Variants in ZFYVE16 observed in about 807,000 individuals in gnomAD.
The protein encoded by ZFYVE16 is zinc finger FYVE-type containing 16, also known as zinc finger FYVE domain-containing protein 16.
ZFYVE16 carries 89 observed loss-of-function variants against 138.1 expected under a neutral mutation model. The ratio of observed to expected loss-of-function variants is 0.64; its 90% CI spans 0.54 to 0.77. ZFYVE16 has a LOEUF of 0.77. Among genes scored for constraint, ZFYVE16 ranks in the 30% least tolerant of loss-of-function variants. The probability of loss-of-function intolerance (pLI) is 0.00; values close to 1 mark genes in which losing one functional copy is unlikely to be tolerated. For missense variants in ZFYVE16, 1,793 were observed against 1,786.7 expected (o/e 1.00, Z -0.06); for synonymous variants, 596 against 618.3 (o/e 0.96, Z 0.53).
rs200838512 is a variant in ZFYVE16, at chr5:80,456,739, CT to C, written c.3795+182del. 2.5e-3 allele frequency among the ~76,000 whole-genome samples: 387 copies of C among 151,878 alleles called. 1 individual carries two copies. Among genetic ancestry groups the C allele is most frequent in the Middle Eastern group, 0.01 (3 of 292 alleles). Reference sequence around the variant, plus strand: ...GTAAATAATCTGTTTGATCATATTTCTTTTTTTTCGTACTGTTTTATTGAGG... The same window carrying C: ...GTAAATAATCTGTTTGATCATATTTCTTTTTTTCGTACTGTTTTATTGAGG... On this transcript the variant is annotated intron_variant, in intron 13 of 18. Transcript: ENST00000505560.
rs376893309 is a variant in ZFYVE16 at position 80,449,571 on chromosome 5, A to G, written c.3104-20A>G. ...TAACAGGATATTTATCCTGATTAAT[A>G]TATTACTTTCATCATTTAGTGCCTG... On this transcript the variant is annotated intron_variant, in intron 8 of 18. Coordinates refer to ENST00000505560, the MANE Select transcript of ZFYVE16 (RefSeq NM_001284236.3). 6.3e-7 allele frequency: 1 copy of G among 1,599,634 alleles called. No homozygotes were observed. Among genetic ancestry groups the G allele is most frequent in the Non-Finnish European group, 8.5e-7 (1 of 1,175,388 alleles).
At chr5:80,465,457 A>C (rs1163363915) in intron 15 of ZFYVE16, among the ~76,000 whole-genome samples, 2 of 99,364 alleles carry the variant, frequency 2.0e-5, no homozygotes, top group Non-Finnish European at 3.8e-5. Context: ...CCCTGGCTGG[A>C]GTGCAGTGGC....
In ZFYVE16 at chr5:80,409,486, T is replaced by C. The variant is rs535354951; in HGVS notation, c.-94+1333T>C. Among the ~76,000 whole-genome samples the C allele has an allele frequency of 8.5e-4, 129 of 152,322 alleles. 1 individual carries two copies. Among genetic ancestry groups the C allele is most frequent in the African/African-American group, 3.1e-3 (127 of 41,572 alleles). On this transcript the variant is annotated intron_variant, in intron 1 of 18. Coordinates refer to ENST00000505560, the MANE Select transcript of ZFYVE16 (RefSeq NM_001284236.3). ...ATTTTGGAAATTAAAACTCAGAAAA[T>C]TGAAAATGTTTTATTCATTTAAAAA...
Position 80,443,132 on chromosome 5 carries a change from T to C in ZFYVE16, c.2429T>C (p.Phe810Ser). 6.5e-7 allele frequency: 1 copy of C among 1,546,056 alleles called. No homozygotes were observed. The highest frequency in any genetic ancestry group is 8.6e-7 in the Non-Finnish European group (1 of 1,158,388). The change falls in exon 6 of 19, where the codon TTT becomes TCT. Residue 810 changes from phenylalanine (F) to serine (S), a missense_variant. Physicochemically the swap from Phe to Ser is radical, Grantham distance 155 (BLOSUM62 -2). Around this residue, in one of 2 missense-constraint regions of ZFYVE16, gnomAD observed 1,295 missense variants for 1,204.3 expected, o/e 1.08. Coordinates refer to ENST00000505560, the MANE Select transcript of ZFYVE16 (RefSeq NM_001284236.3). Reference sequence around the variant, plus strand: ...GTTTTCCCCTTTATAGCTCAGGCATTTGAAAGGATGATGAGTCCAACTGGT... The same window carrying C: ...GTTTTCCCCTTTATAGCTCAGGCATCTGAAAGGATGATGAGTCCAACTGGT... ...CYETISKAQA[F>S]ERMMSPTGSN...
rs776478602 is a variant in ZFYVE16, at chr5:80,455,768, A to T, written c.3684A>T (p.Leu1228Phe). 2 of 1,573,636 alleles carry T rather than the reference A, an allele frequency of 1.3e-6. No homozygotes were observed. Among genetic ancestry groups the T allele is most frequent in the South Asian group, 1.2e-5 (1 of 83,756 alleles). Residue 1228 changes from leucine (L) to phenylalanine (F), a missense_variant, in exon 12 of 19, where the codon TTA becomes TTT. Physicochemically the swap from Leu to Phe is conservative, Grantham distance 22. Around this residue, in one of 2 missense-constraint regions of ZFYVE16, gnomAD observed 498 missense variants for 582.4 expected, o/e 0.86. Transcript: ENST00000505560. Reference protein sequence around the residue: ...FGEIGHTIMNLLVDLRNYQYT... With the variant: ...FGEIGHTIMNFLVDLRNYQYT... ...AAATAGGACACACTATTATGAACTT[A>T]CTTGTTGTGAGTAATTGAACTATTT...
chr5:80,424,876 A>G (rs1469768882), intron 1 of ZFYVE16, among the ~76,000 whole-genome samples: 1 of 152,262 alleles, frequency 6.6e-6, no homozygotes, highest in Non-Finnish European at 1.5e-5. Context: ...TCATTGAATT[A>G]AGATGCCAAA....
chr5:80,469,828 T>C (rs1419641126), intron 15 of ZFYVE16, among the ~76,000 whole-genome samples: 1 of 152,002 alleles, frequency 6.6e-6, no homozygotes, highest in Non-Finnish European at 1.5e-5. Flanking sequence ...TTTGCCATCT[T>C]TAGTCTACTA....
chr5:80,482,159 C>T lies in ZFYVE16; in HGVS notation c.*4782C>T, dbSNP rs1445167133. The T allele has an allele frequency of 6.6e-6, 1 of 152,144 alleles. No homozygotes were observed. Among genetic ancestry groups the T allele is most frequent in the Admixed American group, 6.6e-5 (1 of 15,266 alleles). 9.4% of individuals were successfully genotyped at this position (152,144 alleles called of 1,614,324 possible). The stretch of plus-strand genomic sequence containing the variant: ...TTTTAATCATGCTACACAAAGAAGA[C>T]ATTTCTCCAAAGGAAATATATAAAG... On this transcript the variant is annotated 3_prime_UTR_variant, in exon 19 of 19. Transcript: ENST00000505560.
rs1755330351 is a variant in ZFYVE16 at position 80,483,099 on chromosome 5, C to T, written c.*5722C>T. 1 of 152,194 alleles carries T rather than the reference C, an allele frequency of 6.6e-6. No individual in the cohort carries two copies. Among genetic ancestry groups the T allele is most frequent in the Non-Finnish European group, 1.5e-5 (1 of 68,068 alleles). 9.4% of individuals were successfully genotyped at this position (152,194 alleles called of 1,614,324 possible). A position where few individuals can be genotyped will look rare whatever the true frequency, so the allele number is the denominator to read the frequency against. ...GGTCAGGATGGTCTCAAACTCCTGA[C>T]CTCAGGTGATCTGCCTGCTTCGGCC... On this transcript the variant is annotated 3_prime_UTR_variant, in exon 19 of 19. Coordinates refer to ENST00000505560, the MANE Select transcript of ZFYVE16 (RefSeq NM_001284236.3).
At chr5:80,467,965 A>T (rs1753909345) in intron 15 of ZFYVE16, among the ~76,000 whole-genome samples, 1 of 152,206 alleles carries the variant, frequency 6.6e-6, no homozygotes, top group Non-Finnish European at 1.5e-5. Flanking sequence ...AATATATATA[A>T]ATTCTGGAGT....
At chr5:80,462,693 C>G (rs1394645473) in intron 15 of ZFYVE16, among the ~76,000 whole-genome samples, 2 of 152,172 alleles carry the variant, frequency 1.3e-5, no homozygotes, top group African/African-American at 2.4e-5. Context: ...CCCAAAAGTC[C>G]AAGTCCAAAG....
chr5:80,433,020 T>A (rs1291284459), intron 2 of ZFYVE16, among the ~76,000 whole-genome samples: 5 of 152,162 alleles, frequency 3.3e-5, no homozygotes, highest in South Asian at 2.1e-4. Context: ...ATTGTGGACG[T>A]CAGTGTGGCG....
intron 2 of ZFYVE16, 43 bp downstream of exon 2, chr5:80,427,588 T>A (rs1290952039): frequency 6.6e-6 from 1 of 150,866 alleles, no homozygotes; most frequent in Non-Finnish European, 1.5e-5. Context: ...TAACTGTTAG[T>A]TTCTTGTGCC....
At chr5:80,433,386 A>G (rs903994441) in intron 2 of ZFYVE16, among the ~76,000 whole-genome samples, 4 of 152,182 alleles carry the variant, frequency 2.6e-5, no homozygotes, top group African/African-American at 9.6e-5. Flanking sequence ...GAATTGAACA[A>G]TGAGAACACC....
rs140633690 is a variant in ZFYVE16 at position 80,458,348 on chromosome 5, A to G, written c.3944-1066A>G. Among the ~76,000 whole-genome samples the G allele has an allele frequency of 7.2e-4, 109 of 152,218 alleles. 2 individuals carry two copies. The highest frequency in any genetic ancestry group is 2.5e-3 in the African/African-American group (103 of 41,538). On this transcript the variant is annotated intron_variant, in intron 14 of 18. Transcript: ENST00000505560. ...ACCCAGCCATCCTCTTACTCTCCCT[A>G]CAGGCAACCAAACCAATGTTATCAG... is the stretch of plus-strand genomic sequence containing the variant.
intron 15 of ZFYVE16, among the ~76,000 whole-genome samples, chr5:80,470,976 A>G (rs1000508502): frequency 3.3e-5 from 5 of 152,250 alleles, no homozygotes; most frequent in Admixed American, 1.3e-4. Flanking sequence ...GAATGAGCCA[A>G]CAGCACGTGA....
At chr5:80,423,035 TTATAG>T (rs1257051985) in intron 1 of ZFYVE16, among the ~76,000 whole-genome samples, 1 of 152,196 alleles carries the variant, frequency 6.6e-6, no homozygotes, top group African/African-American at 2.4e-5. Context: ...AATGCTGGTC[TTATAG>T]TATAAGTTAG....
chr5:80,443,468 G>A (rs146194588), intron 6 of ZFYVE16, among the ~76,000 whole-genome samples, 184 bp downstream of exon 6: 18 of 152,284 alleles, frequency 1.2e-4, no homozygotes, highest in African/African-American at 3.8e-4. Context: ...CTCAAGTGCC[G>A]CAGCAATTAG....
Position 80,438,609 on chromosome 5 carries a change from C to G in ZFYVE16, c.1924C>G (p.Gln642Glu), listed in dbSNP as rs1750278417. ...NQLSVSDINS[Q>E]SVGGARPKQL... ...ATTATCGGTCTCTGATATTAACAGT[C>G]AATCTGTTGGAGGGGCCAGACCTAA... Residue 642 changes from glutamine to glutamate, a missense_variant, in exon 4 of 19, where the codon CAA becomes GAA. By Grantham distance (29) the Gln-to-Glu change is conservative. This residue lies in a region of ZFYVE16 where 1,295 missense variants were observed against 1,204.3 expected (regional missense o/e 1.08). Coordinates refer to ENST00000505560, the MANE Select transcript of ZFYVE16 (RefSeq NM_001284236.3). The G allele has an allele frequency of 6.2e-7, 1 of 1,614,086 alleles. No homozygotes were observed. The highest frequency in any genetic ancestry group is 8.5e-7 in the Non-Finnish European group (1 of 1,179,986).
Sources: gnomAD v4.1 joint callset for allele counts (sites outside exome capture counted in the v4.1 genomes callset) on GRCh38, gnomAD v4.1.1 for gene constraint, gnomAD v4.1.1 regional missense constraint, MANE v1.5 for transcripts, NCBI Gene and HGNC (gene_info 2026-07-23, HGNC 2026-07-21) for gene names.